Variants in MYO16 observed in about 807,000 individuals in gnomAD.
MYO16 encodes unconventional myosin-XVI.
MYO16 carries 94 observed loss-of-function variants against 205.3 expected under a neutral mutation model. That is an observed-to-expected ratio of 0.46 (90% confidence interval 0.39 to 0.54). The LOEUF is 0.54. MYO16 is among the 20% of genes least tolerant of loss of function. The probability of loss-of-function intolerance (pLI) is 0.00; values close to 1 mark genes in which losing one functional copy is unlikely to be tolerated. For missense variants in MYO16, 2,315 were observed against 2,387.5 expected (o/e 0.97, Z 0.63); for synonymous variants, 988 against 954.0 (o/e 1.04, Z -0.66).
rs542039534 is a variant in MYO16 at position 108,666,487 on chromosome 13, C to T, written c.292+338C>T. ...ACTTTTTATCAATGAATTTTTTTTT[C>T]TATTTAGAAAATTTTTATAGAGACA... On this transcript the variant is annotated intron_variant, in intron 2 of 34. Coordinates refer to ENST00000457511, the MANE Select transcript of MYO16 (RefSeq NM_001198950.3). Among the ~76,000 whole-genome samples the T allele has an allele frequency of 5.4e-4, 81 of 150,236 alleles. 1 individual carries two copies. The highest frequency in any genetic ancestry group is 1.8e-3 in the African/African-American group (74 of 40,944).
chr13:108,628,914 T>G (rs189578867), upstream of MYO16, among the ~76,000 whole-genome samples: 551 of 152,348 alleles, frequency 3.6e-3, 4 homozygotes, highest in African/African-American at 0.013. Context: ...CACTTTGAAT[T>G]TGTAAACAAC....
intron 12 of MYO16, among the ~76,000 whole-genome samples, chr13:108,869,557 T>A (rs1444322553): frequency 9.5e-6 from 1 of 105,802 alleles, no homozygotes; most frequent in Non-Finnish European, 1.9e-5. Context: ...ACCCCGTCTC[T>A]ACTAAAAATA....
chr13:108,999,393 A>C (rs2139456900), intron 21 of MYO16, among the ~76,000 whole-genome samples: 1 of 152,322 alleles, frequency 6.6e-6, no homozygotes, highest in Non-Finnish European at 1.5e-5. Flanking sequence ...TGTTGATCTG[A>C]TATTTTTAAA....
intron 10 of MYO16, among the ~76,000 whole-genome samples, chr13:108,847,594 G>T (rs770502473): frequency 1.8e-4 from 27 of 152,074 alleles, no homozygotes; most frequent in Non-Finnish European, 3.5e-4. Context: ...AAACTACTTT[G>T]CATCTCTCTT....
chr13:109,065,635 G>A (rs1489437392), intron 27 of MYO16: 6 of 446,866 alleles, frequency 1.3e-5, no homozygotes, highest in East Asian at 5.9e-5. Flanking sequence ...TTATCACCCT[G>A]TATGCTTGTG....
intron 4 of MYO16, among the ~76,000 whole-genome samples, chr13:108,747,646 G>A (rs2139628009): frequency 6.6e-6 from 1 of 152,212 alleles, no homozygotes; most frequent in Admixed American, 6.5e-5. Flanking sequence ...GTAATACATG[G>A]AAATAGTTAC....
the MYO16 span, among the ~76,000 whole-genome samples, chr13:108,528,430 A>G: frequency 3.3e-5 from 5 of 152,138 alleles, no homozygotes; most frequent in Non-Finnish European, 7.4e-5. Context: ...GGAGACATGG[A>G]GCTATCTGTT....
At position 109,125,260 on chromosome 13, in the gene MYO16, C is replaced by T. The variant is rs150266189; in HGVS notation, c.3684C>T (p.Asp1228=). 4.6e-5 allele frequency: 74 copies of T among 1,614,038 alleles called. No homozygotes were observed. Among genetic ancestry groups the T allele is most frequent in the Middle Eastern group, 3.3e-4 (2 of 6,084 alleles). The change falls in exon 30 of 35, where the codon GAC becomes GAT. Residue 1228 remains aspartate, a synonymous_variant. Transcript: ENST00000457511. The surrounding 1 kb of genome is among the most constrained non-coding windows in gnomAD (Gnocchi z 4.0). ...CCCTGGTCATTCAGAATGCTTCAGA[C>T]ATTGCCCGGGAAAATGACCGGCTCC... is the stretch of plus-strand genomic sequence containing the variant. The part of the protein sequence containing the change: ...YDALVIQNAS[D]IARENDRLRS...
At chr13:108,573,923 T>A in the MYO16 span, among the ~76,000 whole-genome samples, 1 of 152,190 alleles carries the variant, frequency 6.6e-6, no homozygotes, top group Non-Finnish European at 1.5e-5. Flanking sequence ...CAATCATGAC[T>A]CACTGTAGCC....
the MYO16 span, among the ~76,000 whole-genome samples, chr13:108,545,794 G>A: frequency 6.6e-6 from 1 of 152,148 alleles, no homozygotes; most frequent in African/African-American, 2.4e-5. Context: ...GGAGTATTTG[G>A]TAGCAATGAA....
At chr13:108,705,556 T>G (rs557293570) in intron 2 of MYO16, among the ~76,000 whole-genome samples, 1 of 152,344 alleles carries the variant, frequency 6.6e-6, no homozygotes, top group East Asian at 1.9e-4. Flanking sequence ...ATTAATCTTT[T>G]GCTGTGCCTA....
intron 2 of MYO16, among the ~76,000 whole-genome samples, chr13:108,697,788 T>A (rs1459552923): frequency 6.6e-6 from 1 of 152,126 alleles, no homozygotes; most frequent in Non-Finnish European, 1.5e-5. Flanking sequence ...AGTGGTGTGA[T>A]CCCAGCTAAC....
At chr13:108,922,477 T>G (rs7320136) in intron 16 of MYO16, among the ~76,000 whole-genome samples, 10,139 of 152,232 alleles carry the variant, frequency 0.067, 1,118 homozygotes, top group African/African-American at 0.23. Context: ...AATTCCATTC[T>G]CATGGCTTAA....
At position 108,736,121 on chromosome 13, in the gene MYO16, T is replaced by A. The variant is rs917071042; in HGVS notation, c.507+8538T>A. The stretch of plus-strand genomic sequence containing the variant: ...CCCGTTCACTCTGATGGTAGTTTCT[T>A]TTGCTGTGCAGGAGCTCTTTTGTTT... On this transcript the variant is annotated intron_variant, in intron 4 of 34. Transcript: ENST00000457511. Among the ~76,000 whole-genome samples the A allele has an allele frequency of 1.1e-4, 17 of 152,208 alleles. 2 individuals carry two copies.
intron 4 of MYO16, among the ~76,000 whole-genome samples, chr13:108,739,888 A>G (rs1247407135): frequency 6.6e-6 from 1 of 152,128 alleles, no homozygotes; most frequent in East Asian, 1.9e-4. Context: ...CATTCATTTG[A>G]TCTTCAGTCA....
intron 23 of MYO16, among the ~76,000 whole-genome samples, chr13:109,023,709 A>ATACATATATACGTATATATGTATATAT (rs571275985): frequency 1.6e-5 from 2 of 124,144 alleles, no homozygotes; most frequent in Admixed American, 9.2e-5. Context: ...ATATGTATAT[A>ATACATATATACGTATATATGTATATAT]TACAAATATA....
intron 4 of MYO16, among the ~76,000 whole-genome samples, chr13:108,771,768 CT>C (rs34161875): frequency 2.0e-5 from 3 of 151,854 alleles, no homozygotes; most frequent in African/African-American, 7.3e-5. Flanking sequence ...TTCAGACTGG[CT>C]TTTTTTTCAC....
intron 3 of MYO16, among the ~76,000 whole-genome samples, chr13:108,722,337 G>A (rs1274144927): frequency 6.6e-6 from 1 of 152,160 alleles, no homozygotes; most frequent in African/African-American, 2.4e-5. Context: ...TCTTTCTAGG[G>A]AAGTAGATTT....
At chr13:108,621,341 C>A (rs116112234) in intron 1 of MYO16, among the ~76,000 whole-genome samples, 1 of 152,030 alleles carries the variant, frequency 6.6e-6, no homozygotes, top group Admixed American at 6.6e-5. Context: ...ACTTATTTGC[C>A]GTTTTGCTCT....
Sources: allele counts gnomAD v4.1 joint callset (sites outside exome capture counted in the v4.1 genomes callset), GRCh38; gene constraint gnomAD v4.1.1; non-coding constraint Gnocchi (gnomAD v3.1); transcripts MANE v1.5; gene names NCBI Gene and HGNC (gene_info 2026-07-23, HGNC 2026-07-21).